Variants in PLEKHA7 observed in about 807,000 individuals in gnomAD.
PLEKHA7 encodes pleckstrin homology domain containing A7.
In PLEKHA7, 104 loss-of-function variants were observed where a neutral mutation model predicts 170.0. That is an observed-to-expected ratio of 0.61 (90% CI 0.52 to 0.72). The LOEUF (loss-of-function observed/expected upper bound fraction) is 0.72. Among genes scored for constraint, PLEKHA7 ranks in the 30% least tolerant of loss-of-function variants. PLEKHA7 has a pLI of 0.00. For missense variants in PLEKHA7, 1,615 were observed against 1,671.7 expected (o/e 0.97, Z 0.59); for synonymous variants, 648 against 660.8 (o/e 0.98, Z 0.30).
At chr11:16,935,843 T>C (rs1002800048) in intron 3 of PLEKHA7, among the ~76,000 whole-genome samples, 1 of 152,228 alleles carries the variant, frequency 6.6e-6, no homozygotes, top group Admixed American at 6.5e-5. Context: ...GAATTCACTA[T>C]AACCAGTATC....
chr11:16,899,632 G>A (rs987203955), intron 3 of PLEKHA7, among the ~76,000 whole-genome samples: 3 of 152,190 alleles, frequency 2.0e-5, no homozygotes, highest in Non-Finnish European at 4.4e-5. Context: ...GAAAGGGAAA[G>A]CAAACAAGAA....
chr11:16,854,922 A>T lies in PLEKHA7; in HGVS notation c.489T>A (p.Val163=). Residue 163 remains valine, a synonymous_variant, in exon 6 of 27, where the codon GTT becomes GTA. Coordinates refer to ENST00000531066, the MANE Select transcript of PLEKHA7 (RefSeq NM_001329630.2). ...RDQAIRRNPN[V]PVVVRGWLHK... ...GCAGCCAGCCCCTCACCACCACGGGAACATTGGGGTTCCTCCGAATGGCCT... is the reference window on the plus strand; with the variant it reads ...GCAGCCAGCCCCTCACCACCACGGGTACATTGGGGTTCCTCCGAATGGCCT... 1 of 1,614,026 alleles carries T rather than the reference A, an allele frequency of 6.2e-7. No homozygotes were observed.
chr11:16,927,769 T>C (rs1859666469), intron 3 of PLEKHA7, among the ~76,000 whole-genome samples: 1 of 152,258 alleles, frequency 6.6e-6, no homozygotes, highest in Non-Finnish European at 1.5e-5. Context: ...TACTTCATTG[T>C]GGATGAGCAC....
Position 16,892,619 on chromosome 11 carries a change from C to CTT in PLEKHA7, c.222-21439_222-21438dup, listed in dbSNP as rs10674972. On this transcript the variant is annotated intron_variant, in intron 3 of 26. Coordinates refer to ENST00000531066, the MANE Select transcript of PLEKHA7 (RefSeq NM_001329630.2). Reference sequence around the variant, plus strand: ...TGCCACCATGCCCAGCTTCCAGCTTCTTTTTTTTTTTTTTTTTTTTTTCGT... The same window carrying CTT: ...TGCCACCATGCCCAGCTTCCAGCTTCTTTTTTTTTTTTTTTTTTTTTTTTCGT... 3.5e-3 allele frequency among the ~76,000 whole-genome samples: 287 copies of CTT among 82,384 alleles called. 7 individuals are homozygous for CTT. Among genetic ancestry groups the CTT allele is most frequent in the East Asian group, 0.031 (64 of 2,042 alleles). The allele number at this position is 82,384 out of a possible 152,430, so 54.0% of individuals were successfully genotyped here.
chr11:16,915,532 T>G (rs1313684516), intron 3 of PLEKHA7, among the ~76,000 whole-genome samples: 4 of 105,004 alleles, frequency 3.8e-5, no homozygotes, highest in South Asian at 3.6e-4. Context: ...CCCACAACAG[T>G]CCCCAGAGTG....
intron 15 of PLEKHA7, 92 bp downstream of exon 15, chr11:16,802,880 A>G: frequency 9.1e-7 from 1 of 1,094,068 alleles, no homozygotes. Flanking sequence ...TCTGCTCTTC[A>G]ATACTAACAT....
intron 3 of PLEKHA7, among the ~76,000 whole-genome samples, chr11:16,972,248 A>G (rs1395066317): frequency 6.6e-6 from 1 of 152,064 alleles, no homozygotes; most frequent in Non-Finnish European, 1.5e-5. Context: ...CAGCCTCCTG[A>G]GTAGCTGGGA....
chr11:16,815,571 C>A (rs908970114), intron 12 of PLEKHA7, among the ~76,000 whole-genome samples: 18 of 152,310 alleles, frequency 1.2e-4, no homozygotes, highest in Middle Eastern at 3.4e-3. Context: ...GTCACCCAGG[C>A]TGGAGTGCAG....
chr11:16,887,807 A>G (rs1249085858), intron 3 of PLEKHA7, among the ~76,000 whole-genome samples: 2 of 151,982 alleles, frequency 1.3e-5, no homozygotes, highest in South Asian at 2.1e-4. Context: ...GCCTCTGCCC[A>G]GCCGCCACCC....
At chr11:16,929,713 T>C (rs149548089) in intron 3 of PLEKHA7, among the ~76,000 whole-genome samples, 137 of 152,362 alleles carry the variant, frequency 9.0e-4, no homozygotes, top group Admixed American at 4.4e-3. Flanking sequence ...TTAATGAAAG[T>C]ATGTGCTGGG....
intron 3 of PLEKHA7, among the ~76,000 whole-genome samples, chr11:16,901,320 G>A (rs1294881026): frequency 6.6e-6 from 1 of 152,178 alleles, no homozygotes; most frequent in Non-Finnish European, 1.5e-5. Flanking sequence ...CAGACAATAG[G>A]CTGAGAGCTC....
intron 3 of PLEKHA7, among the ~76,000 whole-genome samples, chr11:16,916,098 T>C (rs1166965341): frequency 6.6e-6 from 1 of 152,144 alleles, no homozygotes; most frequent in African/African-American, 2.4e-5. Context: ...TTGATTTGCA[T>C]TTCTCTGATG....
chr11:16,821,483 C>T (rs1038858512), intron 10 of PLEKHA7, among the ~76,000 whole-genome samples: 4 of 152,166 alleles, frequency 2.6e-5, no homozygotes, highest in Non-Finnish European at 5.9e-5. Flanking sequence ...ATTTGTATCT[C>T]CAATTAGAAA....
Position 16,795,019 on chromosome 11 carries a change from C to G in PLEKHA7, c.2410-1G>C. 1 of 1,606,090 alleles carries G rather than the reference C, an allele frequency of 6.2e-7. No homozygotes were observed. Among genetic ancestry groups the G allele is most frequent in the Non-Finnish European group, 8.5e-7 (1 of 1,172,642 alleles). ...GATCTTTCTGTATCTGCGATTTCTC[C>G]TGAGGAAGACGAAGTGGTGGGTTTG... On this transcript the variant is annotated splice_acceptor_variant, in intron 17 of 26. Coordinates refer to ENST00000531066, the MANE Select transcript of PLEKHA7 (RefSeq NM_001329630.2). LOFTEE classifies it high-confidence loss of function.
intron 9 of PLEKHA7, among the ~76,000 whole-genome samples, chr11:16,838,044 A>T (rs1851655581): frequency 6.6e-6 from 1 of 152,216 alleles, no homozygotes; most frequent in Non-Finnish European, 1.5e-5. Flanking sequence ...TTCAAAGAAG[A>T]GGAAAAACAA....
intron 26 of PLEKHA7, chr11:16,781,060 G>T: frequency 1.0e-6 from 1 of 974,706 alleles, no homozygotes; most frequent in Non-Finnish European, 1.2e-6. Flanking sequence ...GTGCTAGATG[G>T]GGCACACAGG....
At chr11:16,943,839 G>C (rs1860847001) in intron 3 of PLEKHA7, among the ~76,000 whole-genome samples, 1 of 152,184 alleles carries the variant, frequency 6.6e-6, no homozygotes, top group South Asian at 2.1e-4. Flanking sequence ...CTTGGCCTCA[G>C]AGTCCCAGGA....
intron 3 of PLEKHA7, among the ~76,000 whole-genome samples, chr11:16,995,305 G>A (rs1864273721): frequency 1.3e-5 from 2 of 152,152 alleles, no homozygotes; most frequent in African/African-American, 4.8e-5. Flanking sequence ...CTTCACTCTT[G>A]TTGGTATCTA....
chr11:16,813,236 A>G, intron 12 of PLEKHA7, 70 bp from the exon 13 acceptor site: 1 of 1,356,504 alleles, frequency 7.4e-7, no homozygotes, highest in Non-Finnish European at 1.1e-6. Flanking sequence ...GAGGTTTCAC[A>G]TGTGAATTAT....
Sources: gnomAD v4.1 joint callset for allele counts (sites outside exome capture counted in the v4.1 genomes callset) on GRCh38, gnomAD v4.1.1 for gene constraint, MANE v1.5 for transcripts, NCBI Gene and HGNC (gene_info 2026-07-23, HGNC 2026-07-21) for gene names.